Variants in ANKH observed in about 807,000 individuals in gnomAD.
The protein encoded by ANKH is ANKH inorganic pyrophosphate transport regulator, also known as mineralization regulator ANKH.
ANKH carries 15 observed loss-of-function variants against 49.0 expected under a neutral mutation model. That is an observed-to-expected ratio of 0.31 (90% confidence interval 0.20 to 0.47). ANKH has a LOEUF of 0.47. Ranked by LOEUF, ANKH falls within the 20% of genes least tolerant of loss-of-function variation. The probability of loss-of-function intolerance (pLI) is 1.00; values close to 1 mark genes in which losing one functional copy is unlikely to be tolerated. For synonymous variants in ANKH, 273 were observed against 260.0 expected (o/e 1.05, Z -0.48); for missense variants, 429 against 652.0 (o/e 0.66, Z 3.72).
chr5:14,745,845 G>C lies in ANKH; in HGVS notation c.915+25C>G, dbSNP rs759327117. ...GAAGTCATTTCAAAAGCATGTTTCA[G>C]ACACGACACCGCACGGGTTCTCACC... On this transcript the variant is annotated intron_variant, in intron 7 of 11. Transcript: ENST00000284268. This position sits in a 1 kb window ranked among gnomAD's most constrained non-coding sequence, Gnocchi z 4.7. 16 of 1,609,620 alleles carry C rather than the reference G, an allele frequency of 9.9e-6. No individual in the cohort carries two copies. Among genetic ancestry groups the C allele is most frequent in the Non-Finnish European group, 6.0e-6 (7 of 1,176,084 alleles).
In ANKH at chr5:14,745,718, G is replaced by A. The variant is rs1738512302; in HGVS notation, c.915+152C>T. On this transcript the variant is annotated intron_variant, in intron 7 of 11. Transcript: ENST00000284268. This position sits in a 1 kb window ranked among gnomAD's most constrained non-coding sequence, Gnocchi z 4.7. Reference sequence around the variant, plus strand: ...CAACTTGCCCCTGTTATTTTCTGAGGAAAATATTCCTTCAATGCCCCCAAC... The same window carrying A: ...CAACTTGCCCCTGTTATTTTCTGAGAAAAATATTCCTTCAATGCCCCCAAC... 4 of 736,174 alleles carry A rather than the reference G, an allele frequency of 5.4e-6. No homozygotes were observed. The highest frequency in any genetic ancestry group is 9.6e-6 in the Non-Finnish European group (4 of 417,718). The allele number at this position is 736,174 out of a possible 1,614,324, so 45.6% of individuals were successfully genotyped here.
rs576650149 is a variant in ANKH, at chr5:14,853,196, C to A, written c.96+18156G>T. ...AGACAAATAATAAATTTCAATCATA[C>A]GCTTTTCCCAATTACTACTATTTTA... On this transcript the variant is annotated intron_variant, in intron 1 of 11. Coordinates refer to ENST00000284268, the MANE Select transcript of ANKH (RefSeq NM_054027.6). Among the ~76,000 whole-genome samples, 10 of 152,314 alleles carry A rather than the reference C, an allele frequency of 6.6e-5. No individual in the cohort carries two copies. The South Asian group carries it at 2.1e-3, about 32-fold the overall frequency.
intron 2 of ANKH, among the ~76,000 whole-genome samples, chr5:14,765,237 T>C (rs1442730643): frequency 6.6e-6 from 1 of 152,234 alleles, no homozygotes; most frequent in Non-Finnish European, 1.5e-5. Context: ...AAAGAGATAC[T>C]TGCAGCTGTT....
intron 1 of ANKH, among the ~76,000 whole-genome samples, chr5:14,806,353 T>C (rs1580082988): frequency 3.3e-5 from 5 of 151,856 alleles, no homozygotes; most frequent in African/African-American, 1.2e-4. Context: ...CATAGAAGCC[T>C]ACTGCTTAGT....
rs1290787571 is a variant in ANKH at position 14,749,305 on chromosome 5, C to T, written c.689G>A (p.Gly230Glu). 1 of 1,614,154 alleles carries T rather than the reference C, an allele frequency of 6.2e-7. No homozygotes were observed. The highest frequency in any genetic ancestry group is 1.7e-5 in the Admixed American group (1 of 60,030). The stretch of plus-strand genomic sequence containing the variant: ...CAGCATCTTTCTTATTGTTGCATCT[C>T]CCTGTGTTAAGAAACGAAGATAAAA... The part of the protein sequence containing the change: ...IPDRSGPELG[G>E]DATIRKMLSF... The change falls in exon 6 of 12, where the codon GGA becomes GAA. Residue 230 changes from glycine (G) to glutamate (E), a missense_variant and splice_region_variant. Transcript: ENST00000284268.
intron 7 of ANKH, among the ~76,000 whole-genome samples, chr5:14,744,915 C>A (rs1738484779): frequency 1.3e-5 from 2 of 152,202 alleles, no homozygotes; most frequent in Non-Finnish European, 2.9e-5. Context: ...CAGGAGAGGT[C>A]AGGCCGGCGG....
chr5:14,717,812 T>TCC (rs772156538), intron 8 of ANKH, among the ~76,000 whole-genome samples: 13 of 152,338 alleles, frequency 8.5e-5, no homozygotes, highest in Non-Finnish European at 1.6e-4. Context: ...AGGTTACACA[T>TCC]CCCTAATCCC....
chr5:14,837,121 A>G (rs1236710301), intron 1 of ANKH, among the ~76,000 whole-genome samples: 1 of 152,264 alleles, frequency 6.6e-6, no homozygotes, highest in Non-Finnish European at 1.5e-5. Flanking sequence ...AATTAATTCA[A>G]GATGGATTAA....
At chr5:14,739,674 G>A (rs769880486) in intron 8 of ANKH, among the ~76,000 whole-genome samples, 35 of 152,250 alleles carry the variant, frequency 2.3e-4, no homozygotes, top group Non-Finnish European at 4.6e-4. Context: ...GAACAGTGTG[G>A]TTCAGAGCAC....
chr5:14,835,921 G>A (rs976124142), intron 1 of ANKH, among the ~76,000 whole-genome samples: 22 of 152,148 alleles, frequency 1.4e-4, no homozygotes, highest in African/African-American at 2.2e-4. Context: ...TATTCACCAC[G>A]ATCAAGTTGG....
Position 14,729,296 on chromosome 5 carries a change from G to A in ANKH, c.1012-12461C>T, listed in dbSNP as rs141864101. 9.5e-4 allele frequency among the ~76,000 whole-genome samples: 144 copies of A among 151,868 alleles called. No homozygotes were observed. In the East Asian group the frequency reaches 0.024, roughly 25 times the overall value. On this transcript the variant is annotated intron_variant, in intron 8 of 11. Coordinates refer to ENST00000284268, the MANE Select transcript of ANKH (RefSeq NM_054027.6). Reference sequence around the variant, plus strand: ...TCGAACTCCCGACCTCAGGTGATTCGCCCACCTTGGCCTCCCAAAGTGCTG... The same window carrying A: ...TCGAACTCCCGACCTCAGGTGATTCACCCACCTTGGCCTCCCAAAGTGCTG...
At chr5:14,755,263 A>G (rs766420705) in intron 4 of ANKH, among the ~76,000 whole-genome samples, 2 of 152,228 alleles carry the variant, frequency 1.3e-5, no homozygotes, top group African/African-American at 4.8e-5. Flanking sequence ...ACAGAAAGCC[A>G]GGGCTGAGTG....
rs557580554 is a variant in ANKH at position 14,770,593 on chromosome 5, T to G, written c.97-1402A>C. 6.6e-6 allele frequency among the ~76,000 whole-genome samples: 1 copy of G among 152,326 alleles called. No homozygotes were observed. Among genetic ancestry groups the G allele is most frequent in the Admixed American group, 6.5e-5 (1 of 15,304 alleles). On this transcript the variant is annotated intron_variant, in intron 1 of 11. Transcript: ENST00000284268. This position sits in a 1 kb window ranked among gnomAD's most constrained non-coding sequence, Gnocchi z 4.1. The stretch of plus-strand genomic sequence containing the variant: ...TCTCAAAATATCTTACTGTACTCCT[T>G]GTGATGAGGAAGAGATGAAGCAAGA...
At chr5:14,846,689 T>C (rs1460487128) in intron 1 of ANKH, among the ~76,000 whole-genome samples, 1 of 152,072 alleles carries the variant, frequency 6.6e-6, no homozygotes, top group Non-Finnish European at 1.5e-5. Context: ...GGGAAGAGCA[T>C]GGTTAAGAAT....
intron 1 of ANKH, among the ~76,000 whole-genome samples, chr5:14,793,058 A>ATATATATAT (rs145425597): frequency 1.2e-5 from 1 of 85,418 alleles, no homozygotes; most frequent in East Asian, 2.8e-4. Context: ...AAATATATAT[A>ATATATATAT]AAATATATAT....
intron 2 of ANKH, among the ~76,000 whole-genome samples, chr5:14,766,537 CATGTTGAAAAT>C (rs1408199709): frequency 5.9e-5 from 9 of 152,212 alleles, no homozygotes; most frequent in Admixed American, 5.9e-4. Flanking sequence ...TATGCTCTCA[CATGTTGAAAAT>C]AAATGCCTTT....
rs535141941 is a variant in ANKH at position 14,718,832 on chromosome 5, C to G, written c.1012-1997G>C. Among the ~76,000 whole-genome samples, 8 of 142,502 alleles carry G rather than the reference C, an allele frequency of 5.6e-5. 1 individual carries two copies. In the South Asian group the frequency reaches 1.5e-3, roughly 26 times the overall value. The allele number at this position is 142,502 out of a possible 152,430, so 93.5% of individuals were successfully genotyped here. ...GAAACTCCATCCTCCCAACACCACC[C>G]CCCCCCCAAAAAAAAAAGACATAGA... On this transcript the variant is annotated intron_variant, in intron 8 of 11. Coordinates refer to ENST00000284268, the MANE Select transcript of ANKH (RefSeq NM_054027.6).
chr5:14,713,007 T>C lies in ANKH; in HGVS notation c.1266-34A>G. The C allele has an allele frequency of 6.3e-7, 1 of 1,590,974 alleles. No homozygotes were observed. The highest frequency in any genetic ancestry group is 8.6e-7 in the Non-Finnish European group (1 of 1,165,938). ...GAGAACACAAAGGCAATTTGTCTGT[T>C]AAGGCCAAGTCAAGGCACAACCGTC... On this transcript the variant is annotated intron_variant, in intron 10 of 11. Coordinates refer to ENST00000284268, the MANE Select transcript of ANKH (RefSeq NM_054027.6). This position sits in a 1 kb window ranked among gnomAD's most constrained non-coding sequence, Gnocchi z 4.4.
chr5:14,730,197 A>G (rs999949656), intron 8 of ANKH, among the ~76,000 whole-genome samples: 1 of 152,134 alleles, frequency 6.6e-6, no homozygotes, highest in Non-Finnish European at 1.5e-5. Flanking sequence ...CTCCAACCTA[A>G]TCCCTTCTCC....
Sources: allele counts gnomAD v4.1 joint callset (sites outside exome capture counted in the v4.1 genomes callset), GRCh38; gene constraint gnomAD v4.1.1; non-coding constraint Gnocchi (gnomAD v3.1); transcripts MANE v1.5; gene names NCBI Gene and HGNC (gene_info 2026-07-23, HGNC 2026-07-21).